LGI2: variants seen among roughly 807,000 people sequenced by gnomAD.
LGI2 encodes leucine-rich repeat LGI family member 2.
In LGI2, 30 loss-of-function variants were observed where a neutral mutation model predicts 52.0. The ratio of observed to expected loss-of-function variants is 0.58; its 90% CI spans 0.43 to 0.78. The LOEUF (loss-of-function observed/expected upper bound fraction) is 0.78. LGI2 is among the 30% of genes least tolerant of loss of function. The pLI is 0.00. For missense variants in LGI2, 573 were observed against 692.5 expected, an observed-to-expected ratio of 0.83 and a Z score of 1.94; for synonymous variants, 270 against 271.8, an observed-to-expected ratio of 0.99 and a Z score of 0.06.
chr4:25,007,412 G>A (rs1209667106), intron 7 of LGI2, among the ~76,000 whole-genome samples: 2 of 152,060 alleles, frequency 1.3e-5, no homozygotes, highest in South Asian at 2.1e-4. Context: ...CAGGCTCCTC[G>A]TCCCCTTCTT....
the LGI2 span, among the ~76,000 whole-genome samples, chr4:24,993,818 G>C: frequency 6.6e-6 from 1 of 152,142 alleles, no homozygotes; most frequent in Non-Finnish European, 1.5e-5. Context: ...TATTTATTGC[G>C]ACAGAAAATG....
rs1203031057 is a variant in LGI2, at chr4:25,000,806, G to C, written c.*2645C>G. 6.6e-6 allele frequency: 1 copy of C among 152,224 alleles called. No individual in the cohort carries two copies. Among genetic ancestry groups the C allele is most frequent in the Non-Finnish European group, 1.5e-5 (1 of 68,040 alleles). The allele number at this position is 152,224 out of a possible 1,614,324, so 9.4% of individuals were successfully genotyped here. A position where few individuals can be genotyped will look rare whatever the true frequency, so the allele number is the denominator to read the frequency against. ...TTCTCTGCTTTGCATTTTTGCTGTT[G>C]CTTGGTTGGTTTTTTGTTTTACATT... is the stretch of plus-strand genomic sequence containing the variant. On this transcript the variant is annotated 3_prime_UTR_variant, in exon 8 of 8. Coordinates refer to ENST00000382114, the MANE Select transcript of LGI2 (RefSeq NM_018176.4).
At position 25,024,813 on chromosome 4, in the gene LGI2, G is replaced by A. The variant is rs1726089426; in HGVS notation, c.413+7C>T. Reference sequence around the variant, plus strand: ...AGAGGACTTACAATACTTTTCATAGGACTTACAGGTGAGTCAGGTCACGGA... The same window carrying A: ...AGAGGACTTACAATACTTTTCATAGAACTTACAGGTGAGTCAGGTCACGGA... On this transcript the variant is annotated splice_region_variant and intron_variant, in intron 4 of 7. Transcript: ENST00000382114. 1.9e-6 allele frequency: 3 copies of A among 1,589,546 alleles called. No homozygotes were observed. Among genetic ancestry groups the A allele is most frequent in the Non-Finnish European group, 2.6e-6 (3 of 1,167,724 alleles).
intron 7 of LGI2, among the ~76,000 whole-genome samples, chr4:25,011,883 C>T (rs1261281991): frequency 6.6e-6 from 1 of 152,128 alleles, no homozygotes; most frequent in East Asian, 1.9e-4. Flanking sequence ...AAGCAGTGAT[C>T]ACTAGGACTT....
intron 6 of LGI2, 31 bp from the exon 7 acceptor site, chr4:25,012,530 T>C (rs1192482853): frequency 1.9e-6 from 3 of 1,608,532 alleles, no homozygotes; most frequent in Non-Finnish European, 2.6e-6. Flanking sequence ...AGAAAAGCGT[T>C]CATAAAATCT....
chr4:25,025,004 T>C lies in LGI2; in HGVS notation c.342-113A>G, dbSNP rs537987007. ...TAAAAGTATTCCTGAATTATAAGAA[T>C]TGATCTCTGAAGACTAGGTCAGCTA... On this transcript the variant is annotated intron_variant, in intron 3 of 7. Coordinates refer to ENST00000382114, the MANE Select transcript of LGI2 (RefSeq NM_018176.4). The C allele has an allele frequency of 5.7e-5, 41 of 722,234 alleles. No individual in the cohort carries two copies. The Middle Eastern group carries it at 1.1e-3, about 19-fold the overall frequency. The allele number at this position is 722,234 out of a possible 1,614,324, so 44.7% of individuals were successfully genotyped here. A position where few individuals can be genotyped will look rare whatever the true frequency, so the allele number is the denominator to read the frequency against.
intron 6 of LGI2, among the ~76,000 whole-genome samples, chr4:25,014,728 G>A (rs1725701635): frequency 6.6e-6 from 1 of 151,784 alleles, no homozygotes; most frequent in Non-Finnish European, 1.5e-5. Flanking sequence ...CTGCTCTGGA[G>A]GCTGAGGTGG....
chr4:25,012,447 G>A lies in LGI2; in HGVS notation c.708C>T (p.Phe236=). The part of the protein sequence containing the change: ...LPYQSVSVDT[F]NSKNDVYVAI... ...CCACGTACACATCGTTCTTGGAGTT[G>A]AACGTATCCACTGAAACCGACTGGT... Residue 236 remains phenylalanine (F), a synonymous_variant, in exon 7 of 8, where the codon TTC becomes TTT. Transcript: ENST00000382114. 6.2e-7 allele frequency: 1 copy of A among 1,614,238 alleles called. No individual in the cohort carries two copies. Among genetic ancestry groups the A allele is most frequent in the Non-Finnish European group, 8.5e-7 (1 of 1,180,048 alleles).
Position 25,003,495 on chromosome 4 carries a change from T to TC in LGI2, c.1593dup (p.Lys532GlufsTer6). ...ATTATATGTTCAAAAATCTTTGTTT[T>TC]CCCTTTGAAACTGGATGCAAAAAAG... On this transcript the variant is annotated frameshift_variant, in exon 8 of 8. Coordinates refer to ENST00000382114, the MANE Select transcript of LGI2 (RefSeq NM_018176.4). LOFTEE classifies it high-confidence loss of function. The TC allele has an allele frequency of 6.2e-7, 1 of 1,601,574 alleles. No homozygotes were observed. The highest frequency in any genetic ancestry group is 1.4e-5 in the African/African-American group (1 of 73,680).
At chr4:24,995,509 A>G (rs888606238), downstream of LGI2, among the ~76,000 whole-genome samples, 12 of 152,200 alleles carry the variant, frequency 7.9e-5, no homozygotes, top group African/African-American at 2.7e-4. Context: ...GTTCACTCCC[A>G]TGGTGCAGAC....
At chr4:24,998,312 T>C (rs1373573893), downstream of LGI2, among the ~76,000 whole-genome samples, 1 of 152,206 alleles carries the variant, frequency 6.6e-6, no homozygotes, top group Admixed American at 6.5e-5. Flanking sequence ...CCCGATAGCA[T>C]ATGGAAGTAC....
chr4:25,025,121 C>T (rs6856166), intron 3 of LGI2, among the ~76,000 whole-genome samples: 40,846 of 150,634 alleles, frequency 0.27, 5,780 homozygotes, highest in Middle Eastern at 0.4. Context: ...ATGGAAGTCT[C>T]CAAAGAATTC....
rs1478862844 is a variant in LGI2 at position 25,002,793 on chromosome 4, T to C, written c.*658A>G. On this transcript the variant is annotated 3_prime_UTR_variant, in exon 8 of 8. Coordinates refer to ENST00000382114, the MANE Select transcript of LGI2 (RefSeq NM_018176.4). ...TCCTGGGCCTACAGCCTGTGCTGGG[T>C]CTAGACATGTGTCACCAGAGTATTG... 1 of 152,722 alleles carries C rather than the reference T, an allele frequency of 6.5e-6. No individual in the cohort carries two copies. Among genetic ancestry groups the C allele is most frequent in the Admixed American group, 6.5e-5 (1 of 15,288 alleles). The allele number at this position is 152,722 out of a possible 1,614,324, so 9.5% of individuals were successfully genotyped here. A position where few individuals can be genotyped will look rare whatever the true frequency, so the allele number is the denominator to read the frequency against.
rs749852745 is a variant in LGI2, at chr4:25,028,488, G to A, written c.269+19C>T. The A allele has an allele frequency of 2.7e-5, 44 of 1,610,754 alleles. No homozygotes were observed. Among genetic ancestry groups the A allele is most frequent in the Non-Finnish European group, 3.2e-5 (38 of 1,178,682 alleles). ...ACCTCAGGGCCCCCCATTGTGCAGA[G>A]GGAACTTCCCATACTCACAGCAGCT... On this transcript the variant is annotated intron_variant, in intron 2 of 7. Transcript: ENST00000382114.
chr4:24,998,082 C>G (rs1212140339), downstream of LGI2, among the ~76,000 whole-genome samples: 2 of 152,072 alleles, frequency 1.3e-5, no homozygotes, highest in Non-Finnish European at 2.9e-5. Context: ...CACTTTGTGG[C>G]CCAAGCTGGT....
Position 25,030,511 on chromosome 4 carries a change from G to C in LGI2, c.183C>G (p.Gly61=). ...GTCCCACTCACAGGGAGCTGATGTC[G>C]CCCGGCACGATCCTGGGCACCCAGG... is the stretch of plus-strand genomic sequence containing the variant. The part of the protein sequence containing the change: ...GSSWVPRIVP[G]DISSLSLVNG... The change falls in exon 1 of 8, where the codon GGC becomes GGG. Residue 61 remains glycine, a synonymous_variant. Coordinates refer to ENST00000382114, the MANE Select transcript of LGI2 (RefSeq NM_018176.4). The C allele has an allele frequency of 6.3e-7, 1 of 1,591,326 alleles. No individual in the cohort carries two copies. Among genetic ancestry groups the C allele is most frequent in the Non-Finnish European group, 8.5e-7 (1 of 1,170,726 alleles).
intron 4 of LGI2, among the ~76,000 whole-genome samples, chr4:25,020,709 G>T (rs1001477222): frequency 6.6e-6 from 1 of 152,186 alleles, no homozygotes; most frequent in Non-Finnish European, 1.5e-5. Flanking sequence ...ATAGTAGAAA[G>T]CTTGGAGCCC....
At position 25,004,588 on chromosome 4, in the gene LGI2, C is replaced by T. The variant is rs975151373; in HGVS notation, c.821-320G>A. On this transcript the variant is annotated intron_variant, in intron 7 of 7. Coordinates refer to ENST00000382114, the MANE Select transcript of LGI2 (RefSeq NM_018176.4). The surrounding 1 kb of genome is among the most constrained non-coding windows in gnomAD (Gnocchi z 4.6). ...AATGTGATGGTATTTGGTGGTGGGGCCTTTGGGAGGTGATTAGGTCATGGG... is the reference window on the plus strand; with the variant it reads ...AATGTGATGGTATTTGGTGGTGGGGTCTTTGGGAGGTGATTAGGTCATGGG... 6.6e-6 allele frequency among the ~76,000 whole-genome samples: 1 copy of T among 152,080 alleles called. No individual in the cohort carries two copies. Among genetic ancestry groups the T allele is most frequent in the Admixed American group, 6.6e-5 (1 of 15,264 alleles).
chr4:25,012,482 T>C lies in LGI2; in HGVS notation c.673A>G (p.Thr225Ala). ...CTTTDFVVHQTLPYQSVSVDT... is the reference protein window; with the variant it reads ...CTTTDFVVHQALPYQSVSVDT... ...ACTGAAACCGACTGGTAGGGTAAAG[T>C]CTGATGAACAACAAAATCTGGGGAT... Residue 225 changes from threonine to alanine, a missense_variant, in exon 7 of 8, where the codon ACT becomes GCT. Coordinates refer to ENST00000382114, the MANE Select transcript of LGI2 (RefSeq NM_018176.4). 1 of 1,613,874 alleles carries C rather than the reference T, an allele frequency of 6.2e-7. No individual in the cohort carries two copies. The highest frequency in any genetic ancestry group is 8.5e-7 in the Non-Finnish European group (1 of 1,179,844).
Sources: gnomAD v4.1 joint callset for allele counts (sites outside exome capture counted in the v4.1 genomes callset) on GRCh38, gnomAD v4.1.1 for gene constraint, Gnocchi (gnomAD v3.1) non-coding constraint, MANE v1.5 for transcripts, NCBI Gene and HGNC (gene_info 2026-07-23, HGNC 2026-07-21) for gene names.